GALNT11: variants seen among roughly 807,000 people sequenced by gnomAD.
GALNT11 encodes polypeptide N-acetylgalactosaminyltransferase 11.
In GALNT11, 47 loss-of-function variants were observed where a neutral mutation model predicts 72.7. The ratio of observed to expected loss-of-function variants is 0.65; its 90% CI spans 0.51 to 0.82. The LOEUF is 0.82. Among genes scored for constraint, GALNT11 ranks in the 40% least tolerant of loss-of-function variants. GALNT11 has a pLI of 0.00. For missense variants in GALNT11, 677 were observed against 778.4 expected, an observed-to-expected ratio of 0.87 and a Z score of 1.55; for synonymous variants, 270 against 286.6, an observed-to-expected ratio of 0.94 and a Z score of 0.58.
At chr7:152,044,505 C>T (rs1040791046) in intron 1 of GALNT11, among the ~76,000 whole-genome samples, 8 of 152,254 alleles carry the variant, frequency 5.3e-5, no homozygotes, top group African/African-American at 1.4e-4. Flanking sequence ...GGGCCTGTTC[C>T]GAACAGTTCA....
chr7:152,116,878 A>G (rs1341764633), intron 8 of GALNT11: 7 of 577,566 alleles, frequency 1.2e-5, no homozygotes, highest in Non-Finnish European at 2.3e-5. Flanking sequence ...TCTCTGTTTT[A>G]ATTTCTGTGT....
At chr7:152,033,435 C>T (rs747506193) in intron 1 of GALNT11, among the ~76,000 whole-genome samples, 2 of 152,212 alleles carry the variant, frequency 1.3e-5, no homozygotes, top group Middle Eastern at 3.4e-3. Flanking sequence ...TATAGAACAC[C>T]AAGGTTGCCA....
chr7:152,066,280 A>G (rs1421004432), intron 1 of GALNT11, among the ~76,000 whole-genome samples: 1 of 152,190 alleles, frequency 6.6e-6, no homozygotes, highest in Admixed American at 6.5e-5. Context: ...TGCTAAGACC[A>G]TTGGAAGAGC....
chr7:152,111,107 AAAC>A (rs1259164062), intron 7 of GALNT11, among the ~76,000 whole-genome samples: 4 of 152,090 alleles, frequency 2.6e-5, no homozygotes, highest in Non-Finnish European at 1.5e-5. Context: ...TTGGCTAGGA[AAAC>A]AACAACAAAA....
intron 5 of GALNT11, among the ~76,000 whole-genome samples, chr7:152,106,139 ATC>A (rs1159018942): frequency 1.3e-5 from 2 of 152,256 alleles, no homozygotes; most frequent in Admixed American, 6.5e-5. Context: ...AAACTAATGA[ATC>A]TGTTTAAAAA....
At chr7:152,091,135 C>CT (rs397801991) in intron 1 of GALNT11, among the ~76,000 whole-genome samples, 3 of 50 alleles carry the variant, frequency 0.06, no homozygotes, top group Admixed American at 0.17. Flanking sequence ...GCAACCTCTG[C>CT]TCCCGGGTTC....
intron 1 of GALNT11, among the ~76,000 whole-genome samples, chr7:152,045,705 T>C (rs1468846544): frequency 2.0e-5 from 3 of 152,160 alleles, no homozygotes; most frequent in East Asian, 3.9e-4. Context: ...GGTTTGTCAA[T>C]TGTATTTATC....
At chr7:152,030,538 T>G (rs994365933) in intron 1 of GALNT11, among the ~76,000 whole-genome samples, 7 of 152,250 alleles carry the variant, frequency 4.6e-5, no homozygotes, top group African/African-American at 1.7e-4. Context: ...TATTTTATAC[T>G]GGAACAGCTC....
At chr7:152,086,853 T>G (rs891488748) in intron 1 of GALNT11, among the ~76,000 whole-genome samples, 1 of 152,254 alleles carries the variant, frequency 6.6e-6, no homozygotes, top group Non-Finnish European at 1.5e-5. Flanking sequence ...GAGTTGTTTC[T>G]TGTACCTTTT....
intron 1 of GALNT11, among the ~76,000 whole-genome samples, chr7:152,052,147 T>C (rs1399227877): frequency 6.6e-6 from 1 of 152,230 alleles, no homozygotes; most frequent in Non-Finnish European, 1.5e-5. Context: ...TTTCACATAA[T>C]GTTTTCAAGA....
chr7:152,065,113 T>C (rs1030225042), intron 1 of GALNT11, among the ~76,000 whole-genome samples: 4 of 152,254 alleles, frequency 2.6e-5, no homozygotes, highest in Non-Finnish European at 5.9e-5. Flanking sequence ...ATTTGGTCTT[T>C]TCACATAGTC....
At chr7:152,077,002 A>T (rs927391931) in intron 1 of GALNT11, among the ~76,000 whole-genome samples, 1 of 152,182 alleles carries the variant, frequency 6.6e-6, no homozygotes, top group Non-Finnish European at 1.5e-5. Context: ...TGAGGTGAGG[A>T]TCGCTTGAGC....
chr7:152,119,727 T>C (rs963899422), intron 10 of GALNT11: 1 of 151,812 alleles, frequency 6.6e-6, no homozygotes. Context: ...ACAAAAAAAA[T>C]TAGCTGGGTG....
At chr7:152,108,744 G>C (rs2087857903) in intron 6 of GALNT11, among the ~76,000 whole-genome samples, 3 of 152,154 alleles carry the variant, frequency 2.0e-5, no homozygotes. Flanking sequence ...TCATAGTATA[G>C]GAATTATTTT....
intron 2 of GALNT11, among the ~76,000 whole-genome samples, chr7:152,099,934 C>G (rs1468987678): frequency 6.7e-6 from 1 of 149,328 alleles, no homozygotes. Flanking sequence ...CACTGAGCCA[C>G]CACACCTGGC....
intron 1 of GALNT11, among the ~76,000 whole-genome samples, chr7:152,044,893 C>T (rs746177859): frequency 6.6e-6 from 1 of 151,518 alleles, no homozygotes; most frequent in Non-Finnish European, 1.5e-5. Context: ...TCAGTCTTCC[C>T]CAATTCAGTA....
In GALNT11 at chr7:152,108,127, AC is replaced by A; in HGVS notation, c.804del (p.Val269TrpfsTer5). ...GGCCGCCATCCGTGAGGACCGGCAC[AC>A]CGTGGTGTGCCCAGTGATTGACATC... ...LLAAIREDRH[T>X]VVCPVIDIIS... On this transcript the variant is annotated frameshift_variant, in exon 6 of 12. Coordinates refer to ENST00000430044, the MANE Select transcript of GALNT11 (RefSeq NM_022087.4). LOFTEE classifies it high-confidence loss of function. The A allele has an allele frequency of 6.2e-7, 1 of 1,614,114 alleles. No individual in the cohort carries two copies. The highest frequency in any genetic ancestry group is 8.5e-7 in the Non-Finnish European group (1 of 1,180,030).
At chr7:152,039,640 T>A (rs1055852764) in intron 1 of GALNT11, among the ~76,000 whole-genome samples, 23 of 152,164 alleles carry the variant, frequency 1.5e-4, no homozygotes, top group African/African-American at 4.8e-4. Flanking sequence ...TCAGCGTCAG[T>A]CTTGACATGG....
At chr7:152,053,245 C>G (rs2083484757) in intron 1 of GALNT11, among the ~76,000 whole-genome samples, 1 of 152,132 alleles carries the variant, frequency 6.6e-6, no homozygotes, top group Non-Finnish European at 1.5e-5. Flanking sequence ...GCATCAGATC[C>G]CCTTCCTGTC....
Sources: gnomAD v4.1 joint callset for allele counts (sites outside exome capture counted in the v4.1 genomes callset) on GRCh38, gnomAD v4.1.1 for gene constraint, MANE v1.5 for transcripts, NCBI Gene and HGNC (gene_info 2026-07-23, HGNC 2026-07-21) for gene names.